Variants in PIEZO1 observed in about 807,000 individuals in gnomAD.
The protein encoded by PIEZO1 is piezo type mechanosensitive ion channel component 1 (Er blood group).
Under a neutral mutation model 297.2 loss-of-function variants are expected in PIEZO1, and 296 were observed. The observed-to-expected ratio is 1.00, with a 90% CI of 0.91 to 1.10. The LOEUF is 1.10. PIEZO1 is among the 50% of genes least tolerant of loss of function. The pLI is 0.00. For missense variants in PIEZO1, 5,018 were observed against 3,455.5 expected (o/e 1.45, Z -11.34); for synonymous variants, 2,427 against 1,507.5 (o/e 1.61, Z -14.13).
At position 88,720,601 on chromosome 16, in the gene PIEZO1, G is replaced by A; in HGVS notation, c.5801+15C>T. On this transcript the variant is annotated intron_variant, in intron 40 of 50. Transcript: ENST00000301015. ...CACCCCCACTCCCCAGCTGCCCCCG[G>A]CCGCCATCACTCACAGGGACAGGCA... 1.3e-6 allele frequency: 2 copies of A among 1,534,570 alleles called. No homozygotes were observed. The highest frequency in any genetic ancestry group is 1.8e-6 in the Non-Finnish European group (2 of 1,138,718).
intron 1 of PIEZO1, among the ~76,000 whole-genome samples, chr16:88,753,595 G>A (rs1898760963): frequency 1.3e-5 from 2 of 152,116 alleles, no homozygotes; most frequent in Admixed American, 1.3e-4. Flanking sequence ...ATTTTCAGAT[G>A]GGATGGGCTC....
chr16:88,771,357 T>C (rs1714197534), intron 1 of PIEZO1, among the ~76,000 whole-genome samples: 2 of 152,098 alleles, frequency 1.3e-5, no homozygotes, highest in South Asian at 4.1e-4. Flanking sequence ...GGGAGCCTCA[T>C]CTGACTACAT....
intron 44 of PIEZO1, 192 bp from the exon 45 acceptor site, chr16:88,717,403 G>A (rs189673262): frequency 1.8e-5 from 12 of 650,314 alleles, no homozygotes; most frequent in Non-Finnish European, 3.3e-5. Flanking sequence ...TCATGTTCAG[G>A]GGTCGTTGAT....
At chr16:88,724,729 T>C (rs563050884) in intron 30 of PIEZO1, among the ~76,000 whole-genome samples, 2 of 152,242 alleles carry the variant, frequency 1.3e-5, no homozygotes, top group South Asian at 4.1e-4. Flanking sequence ...GCAGTGCTGC[T>C]GGGTCCCAGG....
chr16:88,733,802 G>A, intron 17 of PIEZO1, 57 bp from the exon 18 acceptor site: 1 of 1,478,372 alleles, frequency 6.8e-7, no homozygotes, highest in Admixed American at 2.3e-5. Flanking sequence ...GGTCCCCTGT[G>A]AGGAAGAGGC....
At chr16:88,775,052 C>A (rs966891287) in intron 1 of PIEZO1, among the ~76,000 whole-genome samples, 10 of 152,208 alleles carry the variant, frequency 6.6e-5, no homozygotes, top group African/African-American at 2.4e-4. Flanking sequence ...AGGCCCCGGC[C>A]CAGACAGTGA....
chr16:88,725,185 G>A, intron 29 of PIEZO1, 105 bp from the exon 30 acceptor site: 1 of 817,122 alleles, frequency 1.2e-6, no homozygotes. Context: ...GACAGACACG[G>A]ACACCCACAG....
intron 1 of PIEZO1, among the ~76,000 whole-genome samples, chr16:88,779,374 A>G (rs1349876488): frequency 6.6e-6 from 1 of 151,934 alleles, no homozygotes; most frequent in African/African-American, 2.4e-5. Flanking sequence ...GGGGAGCCCC[A>G]TTTTCCTGGC....
chr16:88,737,517 G>GCCCCGC (rs1905304751), intron 10 of PIEZO1, 42 bp downstream of exon 10: 1 of 1,359,636 alleles, frequency 7.4e-7, no homozygotes, highest in Admixed American at 2.1e-5. Flanking sequence ...CCTCCGCCCC[G>GCCCCGC]CCCCCCGCAC....
chr16:88,781,486 G>T (rs556584), intron 1 of PIEZO1, among the ~76,000 whole-genome samples: 1 of 152,218 alleles, frequency 6.6e-6, no homozygotes, highest in African/African-American at 2.4e-5. Context: ...GCAGGCCCCA[G>T]GCTCTCCTGC....
At chr16:88,761,263 C>T (rs946738432) in intron 1 of PIEZO1, among the ~76,000 whole-genome samples, 2 of 152,236 alleles carry the variant, frequency 1.3e-5, no homozygotes, top group African/African-American at 4.8e-5. Context: ...GGTGACTCCA[C>T]CACGCCCATT....
Position 88,721,289 on chromosome 16 carries a change from C to G in PIEZO1, c.5545G>C (p.Gly1849Arg), listed in dbSNP as rs748272244. 3.9e-6 allele frequency: 6 copies of G among 1,545,054 alleles called. No individual in the cohort carries two copies. Among genetic ancestry groups the G allele is most frequent in the Non-Finnish European group, 5.2e-6 (6 of 1,146,668 alleles). ...EDHIQVEARV[G>R]PTDGTPEPQV... ...GGTTCTGGGGTCCCGTCCGTGGGTC[C>G]GACCCTGGCTTCCACCTGAATGTGG... Residue 1849 changes from glycine to arginine, a missense_variant, in exon 39 of 51, where the codon GGA (glycine) becomes CGA (arginine). Gly to Arg is a moderately radical substitution (Grantham distance 125, BLOSUM62 -2). Coordinates refer to ENST00000301015, the MANE Select transcript of PIEZO1 (RefSeq NM_001142864.4).
chr16:88,748,908 G>A (rs1436141444), intron 2 of PIEZO1, among the ~76,000 whole-genome samples: 1 of 143,566 alleles, frequency 7.0e-6, no homozygotes, highest in Non-Finnish European at 1.5e-5. Context: ...ACTCCAGCCT[G>A]GGAGATAGAG....
At position 88,732,541 on chromosome 16, in the gene PIEZO1, G is replaced by T; in HGVS notation, c.2791-6C>A. 3 of 1,544,972 alleles carry T rather than the reference G, an allele frequency of 1.9e-6. No individual in the cohort carries two copies. The highest frequency in any genetic ancestry group is 8.8e-7 in the Non-Finnish European group (1 of 1,142,662). ...AGCAGCACTTGCAGGTGGTTCTGCG[G>T]AGGGCAAGGGTCAGGGGGCAGCCGG... On this transcript the variant is annotated splice_region_variant and splice_polypyrimidine_tract_variant and intron_variant, in intron 20 of 50. Transcript: ENST00000301015.
chr16:88,774,809 C>T (rs900669362), intron 1 of PIEZO1, among the ~76,000 whole-genome samples: 3 of 152,170 alleles, frequency 2.0e-5, no homozygotes, highest in Non-Finnish European at 2.9e-5. Context: ...TGCGCAGGAG[C>T]GAACGGTGCC....
intron 1 of PIEZO1, among the ~76,000 whole-genome samples, chr16:88,774,891 C>G (rs1907588908): frequency 1.3e-5 from 2 of 152,288 alleles, no homozygotes; most frequent in South Asian, 4.1e-4. Flanking sequence ...GATGGTAATA[C>G]CAGGCCTGGG....
chr16:88,715,427 G>GT lies in PIEZO1; in HGVS notation c.*177dup. The GT allele has an allele frequency of 1.1e-6, 1 of 925,830 alleles. No individual in the cohort carries two copies. Among genetic ancestry groups the GT allele is most frequent in the Non-Finnish European group, 1.6e-6 (1 of 626,000 alleles). 57.4% of individuals were successfully genotyped at this position (925,830 alleles called of 1,614,324 possible). ...GGGGGACGGCAGCGCCACGCAGGCC[G>GT]TGGGGACGCAGTGTCCTTCTCTGAC... is the stretch of plus-strand genomic sequence containing the variant. On this transcript the variant is annotated 3_prime_UTR_variant, in exon 51 of 51. Transcript: ENST00000301015.
intron 1 of PIEZO1, among the ~76,000 whole-genome samples, chr16:88,768,660 G>C (rs985535716): frequency 6.6e-6 from 1 of 152,212 alleles, no homozygotes; most frequent in Non-Finnish European, 1.5e-5. Flanking sequence ...CCTCTCAGCC[G>C]CTCCTCCCTT....
chr16:88,752,759 CCCCGGCAGGCCAACGTCA>C (rs1283768079), intron 1 of PIEZO1, among the ~76,000 whole-genome samples: 2 of 151,964 alleles, frequency 1.3e-5, no homozygotes, highest in Non-Finnish European at 2.9e-5. Flanking sequence ...GGCAGGGGTT[CCCCGGCAGGCCAACGTCA>C]CCCGGCAGGG....
Sources: allele counts gnomAD v4.1 joint callset (sites outside exome capture counted in the v4.1 genomes callset), GRCh38; gene constraint gnomAD v4.1.1; transcripts MANE v1.5; gene names NCBI Gene and HGNC (gene_info 2026-07-23, HGNC 2026-07-21).